CROCC2: variants seen among roughly 807,000 people sequenced by gnomAD.
The protein encoded by CROCC2 is ciliary rootlet coiled-coil, rootletin family member 2.
Under a neutral mutation model 177.6 loss-of-function variants are expected in CROCC2, and 163 were observed. The ratio of observed to expected loss-of-function variants is 0.92; its 90% CI spans 0.81 to 1.05. The LOEUF (loss-of-function observed/expected upper bound fraction) is 1.05, where lower values mean the gene tolerates loss of function less well. Ranked by LOEUF, CROCC2 falls within the 50% of genes least tolerant of loss-of-function variation. CROCC2 has a pLI of 0.00. For synonymous variants in CROCC2, 904 were observed against 787.3 expected, an observed-to-expected ratio of 1.15 and a Z score of -2.48; for missense variants, 1,929 against 1,797.8, an observed-to-expected ratio of 1.07 and a Z score of -1.32.
rs189479674 is a variant in CROCC2 at position 240,959,030 on chromosome 2, C to A, written c.2944-271C>A. 5.6e-4 allele frequency: 226 copies of A among 401,536 alleles called. 2 individuals are homozygous for A. The Middle Eastern group carries it at 5.9e-3, about 11-fold the overall frequency. 24.9% of individuals were successfully genotyped at this position (401,536 alleles called of 1,614,324 possible). A position where few individuals can be genotyped will look rare whatever the true frequency, so the allele number is the denominator to read the frequency against. ...TAGGGATGGGCCCTGCCCCAGGGCG[C>A]AGGCTGAGCTGAGGGGCTGCCTCCT... On this transcript the variant is annotated intron_variant, in intron 19 of 31. Transcript: ENST00000690015.
chr2:240,948,231 C>T (rs1172330881), intron 15 of CROCC2, among the ~76,000 whole-genome samples: 1 of 152,066 alleles, frequency 6.6e-6, no homozygotes, highest in African/African-American at 2.4e-5. Context: ...GGGGTTCTGA[C>T]CTGAGCCCAG....
In CROCC2 at chr2:240,965,768, A is replaced by T. The variant is rs1202302579; in HGVS notation, c.3736A>T (p.Arg1246Trp). Residue 1246 changes from arginine to tryptophan, a missense_variant, in exon 24 of 32, where the codon AGG becomes TGG. By Grantham distance (101) the Arg-to-Trp change is moderately radical (BLOSUM62 -3). This residue lies in a region of CROCC2 where 144 missense variants were observed against 205.2 expected (regional missense o/e 0.70). Coordinates refer to ENST00000690015, the MANE Select transcript of CROCC2 (RefSeq NM_001351305.2). ...CCGAGCAGAGCTGCACAGTGTCACC[A>T]GGAAGCTGCAGGAAGCCAGTGGTGT... is the stretch of plus-strand genomic sequence containing the variant. The part of the protein sequence containing the change: ...TLRAELHSVT[R>W]KLQEASGVAD... The T allele has an allele frequency of 6.7e-7, 1 of 1,495,424 alleles. No individual in the cohort carries two copies. Among genetic ancestry groups the T allele is most frequent in the Non-Finnish European group, 8.9e-7 (1 of 1,121,742 alleles). The allele number at this position is 1,495,424 out of a possible 1,614,324, so 92.6% of individuals were successfully genotyped here.
intron 8 of CROCC2, 91 bp from the exon 9 acceptor site, chr2:240,932,611 G>A (rs1041684605): frequency 8.2e-5 from 58 of 707,094 alleles, no homozygotes; most frequent in Admixed American, 2.5e-4. Flanking sequence ...GAGGTAGCCC[G>A]CAGGGACCCT....
chr2:240,931,895 G>A (rs1213259525), intron 7 of CROCC2, among the ~76,000 whole-genome samples: 3 of 152,262 alleles, frequency 2.0e-5, no homozygotes, highest in Non-Finnish European at 2.9e-5. Context: ...CCACAGGAAG[G>A]GGGACCTGGG....
chr2:240,988,700 C>G lies in CROCC2; in HGVS notation c.4552-39C>G. 2.2e-6 allele frequency: 3 copies of G among 1,342,694 alleles called. No individual in the cohort carries two copies. The East Asian group carries it at 8.8e-5, about 39-fold the overall frequency. 83.2% of individuals were successfully genotyped at this position (1,342,694 alleles called of 1,614,324 possible). On this transcript the variant is annotated intron_variant, in intron 28 of 31. Transcript: ENST00000690015. ...AGGGCTGGCCTGACCTCACTCCCTG[C>G]CAGGAGGCCACAGGTTCTGCCTCCT...
chr2:240,935,268 C>A, intron 13 of CROCC2, 90 bp from the exon 14 acceptor site: 1 of 1,252,692 alleles, frequency 8.0e-7, no homozygotes. Context: ...GGAGGGAAGA[C>A]AGTGCCCCGG....
Position 240,983,035 on chromosome 2 carries a change from G to C in CROCC2, c.4551+6G>C, listed in dbSNP as rs1488820986. 5.8e-6 allele frequency: 9 copies of C among 1,549,590 alleles called. No individual in the cohort carries two copies. In the Admixed American group the frequency reaches 1.4e-4, roughly 24 times the overall value. On this transcript the variant is annotated splice_donor_region_variant and intron_variant, in intron 28 of 31. Transcript: ENST00000690015. ...CGCTGGAGCCCCTGCGACAGGTGAG[G>C]GTGACCAGGAGGGCAGGGTACGCTG...
intron 20 of CROCC2, among the ~76,000 whole-genome samples, chr2:240,962,043 C>T (rs559309141): frequency 6.3e-4 from 92 of 145,220 alleles, no homozygotes; most frequent in South Asian, 4.7e-3. Flanking sequence ...CGCACACACG[C>T]GCACACACAT....
chr2:240,907,068 G>T (rs1289361113), intron 1 of CROCC2, among the ~76,000 whole-genome samples: 1 of 152,162 alleles, frequency 6.6e-6, no homozygotes, highest in African/African-American at 2.4e-5. Context: ...GGGTGGGGAT[G>T]GGCAGGCAGC....
chr2:240,911,687 C>G (rs949132425), intron 1 of CROCC2, among the ~76,000 whole-genome samples: 1 of 151,862 alleles, frequency 6.6e-6, no homozygotes, highest in Non-Finnish European at 1.5e-5. Flanking sequence ...CCATCCTACT[C>G]TCTGTCTCTA....
In CROCC2 at chr2:240,925,488, CAGG is replaced by C. The variant is rs541517422; in HGVS notation, c.489-232_489-230del. Among the ~76,000 whole-genome samples the C allele has an allele frequency of 1.4e-4, 22 of 152,298 alleles. No individual in the cohort carries two copies. In the South Asian group the frequency reaches 4.4e-3, roughly 30 times the overall value. The stretch of plus-strand genomic sequence containing the variant: ...GGCAGGGGCAGATATCGCAGGGAGG[CAGG>C]AGGGCACTGGGCTGGCACCTGGGAG... On this transcript the variant is annotated intron_variant, in intron 4 of 31. Coordinates refer to ENST00000690015, the MANE Select transcript of CROCC2 (RefSeq NM_001351305.2).
At position 240,906,512 on chromosome 2, in the gene CROCC2, C is replaced by T. The variant is rs1026299840; in HGVS notation, c.-2C>T. 48 of 398,994 alleles carry T rather than the reference C, an allele frequency of 1.2e-4. No homozygotes were observed. The highest frequency in any genetic ancestry group is 5.3e-4 in the Admixed American group (12 of 22,722). 24.7% of individuals were successfully genotyped at this position (398,994 alleles called of 1,614,324 possible). A position where few individuals can be genotyped will look rare whatever the true frequency, so the allele number is the denominator to read the frequency against. The stretch of plus-strand genomic sequence containing the variant: ...CTCTGGGGTCCTGCGCTCTGGGCTG[C>T]AATGAGCTCTGCCTCCAGTGAGCCT... On this transcript the variant is annotated 5_prime_UTR_variant, in exon 1 of 32. Transcript: ENST00000690015.
intron 15 of CROCC2, among the ~76,000 whole-genome samples, chr2:240,946,775 A>G (rs1335590334): frequency 1.3e-5 from 2 of 152,202 alleles, no homozygotes; most frequent in Non-Finnish European, 2.9e-5. Context: ...AGCGGCTGCC[A>G]TGGGCCGTCT....
rs1303507402 is a variant in CROCC2 at position 240,962,006 on chromosome 2, TCACCCACACA to T, written c.3088-1546_3088-1537del. Reference sequence around the variant, plus strand: ...TTGCACCGGCCCACACACACACTCATCACCCACACACACACACACACACGCACGCACACAC... The same window carrying T: ...TTGCACCGGCCCACACACACACTCATCACACACACACACGCACGCACACAC... On this transcript the variant is annotated intron_variant, in intron 20 of 31. Coordinates refer to ENST00000690015, the MANE Select transcript of CROCC2 (RefSeq NM_001351305.2). Among the ~76,000 whole-genome samples the T allele has an allele frequency of 4.1e-3, 271 of 65,316 alleles. 1 individual carries two copies. Among genetic ancestry groups the T allele is most frequent in the Non-Finnish European group, 6.2e-3 (198 of 31,774 alleles). The allele number at this position is 65,316 out of a possible 152,430, so 42.8% of individuals were successfully genotyped here.
At chr2:240,946,019 C>T (rs1012944158) in intron 14 of CROCC2, 41 bp from the exon 15 acceptor site, 142 of 1,435,940 alleles carry the variant, frequency 9.9e-5, no homozygotes, top group Non-Finnish European at 1.3e-4. Flanking sequence ...CACCCACTTA[C>T]TCTCTTTCTC....
At chr2:240,983,529 GGGCGCGTCTGCAGGGGGAGCTCGC>G in intron 28 of CROCC2, 1 of 1,261,532 alleles carries the variant, frequency 7.9e-7, no homozygotes, top group Non-Finnish European at 1.0e-6. Flanking sequence ...CGCACCGAGC[GGGCGCGTCTGCAGGGGGAGCTCGC>G]GGCGCTGCGC....
rs573541523 is a variant in CROCC2 at position 240,931,090 on chromosome 2, G to A, written c.909G>A (p.Gln303=). The part of the protein sequence containing the change: ...RDKAGEMLQL[Q]GRWDAEKVAL... ...AGGCTGGGGAGATGCTGCAGCTGCAGGGCCGCTGGGACGCAGAGAAGGTGG... is the reference window on the plus strand; with the variant it reads ...AGGCTGGGGAGATGCTGCAGCTGCAAGGCCGCTGGGACGCAGAGAAGGTGG... Residue 303 remains glutamine, a synonymous_variant, in exon 7 of 32, where the codon CAG becomes CAA. Coordinates refer to ENST00000690015, the MANE Select transcript of CROCC2 (RefSeq NM_001351305.2). The A allele has an allele frequency of 4.2e-6, 3 of 715,624 alleles. No homozygotes were observed. In the Admixed American group the frequency reaches 6.0e-5, roughly 14 times the overall value. The allele number at this position is 715,624 out of a possible 1,614,324, so 44.3% of individuals were successfully genotyped here. A position where few individuals can be genotyped will look rare whatever the true frequency, so the allele number is the denominator to read the frequency against.
chr2:240,919,179 G>A (rs1452740187), intron 2 of CROCC2, among the ~76,000 whole-genome samples: 1 of 147,260 alleles, frequency 6.8e-6, no homozygotes, highest in Non-Finnish European at 1.5e-5. Context: ...AGGTGACGGC[G>A]TGGGGGACAG....
chr2:240,984,492 C>A (rs1265849404), intron 28 of CROCC2, among the ~76,000 whole-genome samples: 1 of 151,904 alleles, frequency 6.6e-6, no homozygotes, highest in Non-Finnish European at 1.5e-5. Context: ...CCCTCCCCAT[C>A]ACCTGAGAGG....
Sources: gnomAD v4.1 joint callset for allele counts (sites outside exome capture counted in the v4.1 genomes callset) on GRCh38, gnomAD v4.1.1 for gene constraint, gnomAD v4.1.1 regional missense constraint, MANE v1.5 for transcripts, NCBI Gene and HGNC (gene_info 2026-07-23, HGNC 2026-07-21) for gene names.